The following TAFA5 variants were observed in gnomAD, a reference collection of about 807,000 sequenced individuals.
TAFA5 encodes chemokine-like protein TAFA-5.
In TAFA5, 6 loss-of-function variants were observed where a neutral mutation model predicts 15.3. That is an observed-to-expected ratio of 0.39 (90% CI 0.21 to 0.77). The LOEUF (loss-of-function observed/expected upper bound fraction) is 0.77. Among genes scored for constraint, TAFA5 ranks in the 30% least tolerant of loss-of-function variants. TAFA5 has a pLI of 0.41. For synonymous variants in TAFA5, 103 were observed against 80.7 expected (o/e 1.28, Z -1.48); for missense variants, 161 against 193.1 (o/e 0.83, Z 0.98).
intron 1 of TAFA5, among the ~76,000 whole-genome samples, chr22:48,608,105 C>G (rs965023709): frequency 6.6e-6 from 1 of 151,668 alleles, no homozygotes; most frequent in Admixed American, 6.6e-5. Flanking sequence ...AGGCTGCCAG[C>G]CCCTCCCACG....
chr22:48,684,646 G>T (rs5771713), intron 2 of TAFA5, among the ~76,000 whole-genome samples: 15 of 152,202 alleles, frequency 9.9e-5, no homozygotes, highest in Middle Eastern at 3.4e-3. Context: ...ACTCCTGCCC[G>T]CTTCCCAGGA....
At chr22:48,574,112 A>G (rs1229414212) in intron 1 of TAFA5, among the ~76,000 whole-genome samples, 2 of 152,136 alleles carry the variant, frequency 1.3e-5, no homozygotes, top group Admixed American at 1.3e-4. Context: ...AGCAGGAAAC[A>G]GTGGGGTGCT....
chr22:48,675,551 C>G (rs1927945441), intron 2 of TAFA5, among the ~76,000 whole-genome samples: 2 of 152,222 alleles, frequency 1.3e-5, no homozygotes, highest in Non-Finnish European at 2.9e-5. Flanking sequence ...ACAAGTGGAC[C>G]CCCCACCAGC....
intron 3 of TAFA5, among the ~76,000 whole-genome samples, chr22:48,721,591 A>G (rs1601697745): frequency 6.6e-6 from 1 of 152,260 alleles, no homozygotes; most frequent in African/African-American, 2.4e-5. Flanking sequence ...TATAATCCTT[A>G]TAATCTTACA....
chr22:48,604,358 C>T (rs1925082010), intron 1 of TAFA5, among the ~76,000 whole-genome samples: 1 of 152,266 alleles, frequency 6.6e-6, no homozygotes, highest in Admixed American at 6.5e-5. Flanking sequence ...ATGTCCTCTG[C>T]ATTTTGCTGC....
chr22:48,673,313 T>C (rs1927860738), intron 2 of TAFA5, among the ~76,000 whole-genome samples: 1 of 114,196 alleles, frequency 8.8e-6, no homozygotes, highest in African/African-American at 2.8e-5. Context: ...TCTGCCTCTG[T>C]GTGTCTCTGC....
At chr22:48,707,610 A>T in intron 2 of TAFA5, 107 bp from the exon 3 acceptor site, 8 of 1,392,896 alleles carry the variant, frequency 5.7e-6, no homozygotes, top group Non-Finnish European at 7.8e-6. Context: ...CACGCCGGGC[A>T]TTGCCTGAGG....
intron 2 of TAFA5, among the ~76,000 whole-genome samples, chr22:48,684,386 G>C (rs1928290038): frequency 6.6e-6 from 1 of 152,084 alleles, no homozygotes; most frequent in Non-Finnish European, 1.5e-5. Context: ...GGCCTTCCCA[G>C]GGAAGGGCGA....
chr22:48,562,851 C>G (rs994039929), intron 1 of TAFA5, among the ~76,000 whole-genome samples: 1 of 152,194 alleles, frequency 6.6e-6, no homozygotes, highest in African/African-American at 2.4e-5. Flanking sequence ...TTGGAAAACT[C>G]CCCCAAACCA....
chr22:48,641,239 G>A (rs1474117477), intron 1 of TAFA5, among the ~76,000 whole-genome samples: 1 of 152,156 alleles, frequency 6.6e-6, no homozygotes, highest in African/African-American at 2.4e-5. Context: ...GTGCCAGGTG[G>A]CCACATTCTT....
intron 1 of TAFA5, among the ~76,000 whole-genome samples, chr22:48,520,901 A>G (rs985670292): frequency 2.0e-5 from 3 of 152,082 alleles, no homozygotes; most frequent in Non-Finnish European, 2.9e-5. Flanking sequence ...GGGGGGTCGC[A>G]GGGTGGGATG....
intron 1 of TAFA5, among the ~76,000 whole-genome samples, chr22:48,557,441 G>C (rs1923079787): frequency 6.6e-6 from 1 of 152,202 alleles, no homozygotes; most frequent in Admixed American, 6.5e-5. Flanking sequence ...GAGGACATGA[G>C]TTTCTGCCCT....
chr22:48,641,700 A>G lies in TAFA5; in HGVS notation c.113-4897A>G, dbSNP rs1036015672. 3.3e-5 allele frequency among the ~76,000 whole-genome samples: 5 copies of G among 151,784 alleles called. No individual in the cohort carries two copies. The East Asian group carries it at 9.8e-4, about 30-fold the overall frequency. On this transcript the variant is annotated intron_variant, in intron 1 of 3. Transcript: ENST00000402357. ...CACGCGTGTGCACACGGCCTCGCTA[A>G]CTGGGAGCCCTCGGAGGCCCCCGGT...
intron 1 of TAFA5, among the ~76,000 whole-genome samples, chr22:48,634,452 GTCAC>G (rs1046993283): frequency 6.4e-4 from 97 of 151,208 alleles, no homozygotes; most frequent in African/African-American, 1.5e-3. Flanking sequence ...AACTCATTTA[GTCAC>G]TCACTCATTC....
chr22:48,493,393 G>A (rs1928221611), intron 1 of TAFA5, among the ~76,000 whole-genome samples: 1 of 152,198 alleles, frequency 6.6e-6, no homozygotes, highest in Non-Finnish European at 1.5e-5. Flanking sequence ...AACAACTTTG[G>A]AATTGTTTTG....
At chr22:48,741,714 A>T (rs922029061) in intron 3 of TAFA5, among the ~76,000 whole-genome samples, 1 of 151,910 alleles carries the variant, frequency 6.6e-6, no homozygotes, top group African/African-American at 2.4e-5. Flanking sequence ...CACGCCGAGG[A>T]GAGGGGCCTC....
chr22:48,595,680 G>C (rs775212211), intron 1 of TAFA5, among the ~76,000 whole-genome samples: 15 of 152,274 alleles, frequency 9.9e-5, no homozygotes, highest in Non-Finnish European at 2.1e-4. Flanking sequence ...AGGGGACGGG[G>C]TGCCTCTGGG....
chr22:48,638,539 C>G (rs1188904861), intron 1 of TAFA5, among the ~76,000 whole-genome samples: 2 of 134,696 alleles, frequency 1.5e-5, no homozygotes, highest in African/African-American at 5.8e-5. Context: ...ACACTAAGCC[C>G]TGGGACACCA....
intron 1 of TAFA5, chr22:48,576,534 C>T (rs1433012420): frequency 6.6e-7 from 1 of 1,515,786 alleles, no homozygotes; most frequent in Admixed American, 1.9e-5. Flanking sequence ...TCTGCTGCTT[C>T]CTCGTCCTAG....
Sources: gnomAD v4.1 joint callset for allele counts (sites outside exome capture counted in the v4.1 genomes callset) on GRCh38, gnomAD v4.1.1 for gene constraint, MANE v1.5 for transcripts, NCBI Gene and HGNC (gene_info 2026-07-23, HGNC 2026-07-21) for gene names.